The following HMGB1 variants were observed in gnomAD, a reference collection of about 807,000 sequenced individuals.
HMGB1 encodes the protein high mobility group box 1.
For synonymous variants in HMGB1, 81 were observed against 84.0 expected (o/e 0.96, Z 0.19); for missense variants, 79 against 253.5 (o/e 0.31, Z 4.67).
intron 1 of HMGB1, among the ~76,000 whole-genome samples, chr13:30,599,014 G>T (rs1443904816): frequency 6.6e-6 from 1 of 152,016 alleles, no homozygotes; most frequent in Non-Finnish European, 1.5e-5. Flanking sequence ...GTCTCACTAT[G>T]TTGCCCAGGC....
intron 1 of HMGB1, chr13:30,554,084 AAC>A: frequency 7.6e-7 from 1 of 1,311,206 alleles, no homozygotes. Flanking sequence ...TGTTTAAAGA[AAC>A]GGGATTCAAT....
At chr13:30,497,017 C>T (rs1887623338) in intron 1 of HMGB1, among the ~76,000 whole-genome samples, 1 of 152,170 alleles carries the variant, frequency 6.6e-6, no homozygotes, top group South Asian at 2.1e-4. Flanking sequence ...CCTCCCCAGC[C>T]TTCAGTCTTT....
chr13:30,525,407 C>G (rs183855520), intron 1 of HMGB1, among the ~76,000 whole-genome samples: 2 of 152,240 alleles, frequency 1.3e-5, no homozygotes, highest in East Asian at 3.9e-4. Flanking sequence ...AGATGTGAAC[C>G]ACAGCAAAGG....
intron 1 of HMGB1, chr13:30,554,445 T>G (rs1869583500): frequency 1.1e-6 from 1 of 905,312 alleles, no homozygotes. Flanking sequence ...ATGGGTCTTA[T>G]TCAGACCCCA....
Position 30,486,067 on chromosome 13 carries a change from G to C in HMGB1, c.-14-22373C>G, listed in dbSNP as rs1002245962. 2.0e-5 allele frequency among the ~76,000 whole-genome samples: 3 copies of C among 152,110 alleles called. No individual in the cohort carries two copies. In the East Asian group the frequency reaches 5.8e-4, roughly 29 times the overall value. On this transcript the variant is annotated intron_variant, in intron 1 of 4. Transcript: ENST00000405805. ...GACTGATGATAGAGGCCCAAGATAG[G>C]GATGTTGGAGACAAGGCCAGATAAA...
At position 30,544,817 on chromosome 13, in the gene HMGB1, C is replaced by A. The variant is rs563568306; in HGVS notation, c.-15+71854G>T. Among the ~76,000 whole-genome samples the A allele has an allele frequency of 3.3e-5, 5 of 152,198 alleles. 1 individual carries two copies. The East Asian group carries it at 7.7e-4, about 23-fold the overall frequency. ...GGTGGGTCAGAAGAATAGGTAATCA[C>A]TTAAAGATTTACCTCCATTTTTATT... On this transcript the variant is annotated intron_variant, in intron 1 of 4. Transcript: ENST00000405805.
At chr13:30,599,719 C>G (rs1349697898) in intron 1 of HMGB1, among the ~76,000 whole-genome samples, 1 of 152,120 alleles carries the variant, frequency 6.6e-6, no homozygotes, top group Non-Finnish European at 1.5e-5. Context: ...TATAAAGATA[C>G]TAGTCATATT....
intron 1 of HMGB1, among the ~76,000 whole-genome samples, chr13:30,603,743 G>A (rs941745863): frequency 6.6e-6 from 1 of 152,144 alleles, no homozygotes; most frequent in African/African-American, 2.4e-5. Context: ...AAATGGTATA[G>A]TATTTGCATA....
At chr13:30,566,893 G>C (rs943226073) in intron 1 of HMGB1, among the ~76,000 whole-genome samples, 1 of 152,184 alleles carries the variant, frequency 6.6e-6, no homozygotes, top group Non-Finnish European at 1.5e-5. Flanking sequence ...ACTGTGATAA[G>C]AACCACAAAT....
At chr13:30,604,789 C>T (rs1448855864) in intron 1 of HMGB1, among the ~76,000 whole-genome samples, 1 of 152,164 alleles carries the variant, frequency 6.6e-6, no homozygotes, top group Non-Finnish European at 1.5e-5. Context: ...TCCCGAGTAG[C>T]TGGGACTACG....
chr13:30,561,288 T>C (rs1869940717), intron 1 of HMGB1, among the ~76,000 whole-genome samples: 1 of 152,116 alleles, frequency 6.6e-6, no homozygotes, highest in African/African-American at 2.4e-5. Context: ...CTCTACCTGA[T>C]GGTATTAAGA....
rs1326104418 is a variant in HMGB1, at chr13:30,538,718, CT to C, written c.-14-75025del. ...CTTTCTTTCTTTTTCTTTCTTTCTTCTTTTTCTTTCTTTTTCTTTCTTTCTT... is the reference window on the plus strand; with the variant it reads ...CTTTCTTTCTTTTTCTTTCTTTCTTCTTTTCTTTCTTTTTCTTTCTTTCTT... On this transcript the variant is annotated intron_variant, in intron 1 of 4. Coordinates refer to the HMGB1 transcript ENST00000405805. 2.1e-4 allele frequency among the ~76,000 whole-genome samples: 9 copies of C among 43,572 alleles called. No individual in the cohort carries two copies. The East Asian group carries it at 3.7e-3, about 18-fold the overall frequency. The allele number at this position is 43,572 out of a possible 152,430, so 28.6% of individuals were successfully genotyped here. A position where few individuals can be genotyped will look rare whatever the true frequency, so the allele number is the denominator to read the frequency against.
At chr13:30,568,821 C>T (rs1449908274) in intron 1 of HMGB1, among the ~76,000 whole-genome samples, 2 of 152,084 alleles carry the variant, frequency 1.3e-5, no homozygotes, top group Admixed American at 6.6e-5. Flanking sequence ...TTTAAGCCAC[C>T]AAGTTTGTGT....
At chr13:30,503,908 G>C (rs1168350005) in intron 1 of HMGB1, among the ~76,000 whole-genome samples, 1 of 151,932 alleles carries the variant, frequency 6.6e-6, no homozygotes, top group Admixed American at 6.6e-5. Context: ...ACTGCAGCCT[G>C]GGCAACATAG....
At chr13:30,528,884 C>A (rs1315465447) in intron 1 of HMGB1, among the ~76,000 whole-genome samples, 2 of 151,944 alleles carry the variant, frequency 1.3e-5, no homozygotes, top group Non-Finnish European at 2.9e-5. Flanking sequence ...AAAAAATTAG[C>A]CAGGCGTGGT....
chr13:30,528,366 C>T (rs1244964883), intron 1 of HMGB1, among the ~76,000 whole-genome samples: 3 of 152,078 alleles, frequency 2.0e-5, no homozygotes, highest in African/African-American at 7.2e-5. Context: ...GGGTTCCCAG[C>T]CCAGGGCCCT....
At chr13:30,573,211 C>T (rs376536757) in intron 1 of HMGB1, among the ~76,000 whole-genome samples, 11 of 152,204 alleles carry the variant, frequency 7.2e-5, no homozygotes, top group Admixed American at 2.0e-4. Context: ...GCAGCAGAAA[C>T]GTATTACTCT....
chr13:30,611,253 C>T (rs1296458589), intron 1 of HMGB1, among the ~76,000 whole-genome samples: 1 of 152,060 alleles, frequency 6.6e-6, no homozygotes, highest in Non-Finnish European at 1.5e-5. Flanking sequence ...TGCAGTGGTG[C>T]GATCTTGGAT....
intron 1 of HMGB1, among the ~76,000 whole-genome samples, chr13:30,472,590 G>A (rs1886971736): frequency 6.6e-6 from 1 of 151,506 alleles, no homozygotes; most frequent in South Asian, 2.1e-4. Flanking sequence ...TACAGAGAAA[G>A]ACTCCATTTC....
Sources: gnomAD v4.1 joint callset for allele counts (sites outside exome capture counted in the v4.1 genomes callset) on GRCh38, gnomAD v4.1.1 for gene constraint, MANE v1.5 for transcripts, NCBI Gene and HGNC (gene_info 2026-07-23, HGNC 2026-07-21) for gene names.